GABRB1: variants seen among roughly 807,000 people sequenced by gnomAD.
GABRB1 encodes the protein gamma-aminobutyric acid receptor subunit beta-1.
Under a neutral mutation model 51.6 loss-of-function variants are expected in GABRB1, and 17 were observed. The ratio of observed to expected loss-of-function variants is 0.33; its 90% CI spans 0.23 to 0.49. The LOEUF (loss-of-function observed/expected upper bound fraction) is 0.49. GABRB1 is among the 20% of genes least tolerant of loss of function. The pLI is 0.99. For synonymous variants in GABRB1, 247 were observed against 218.9 expected (o/e 1.13, Z -1.14); for missense variants, 410 against 600.6 (o/e 0.68, Z 3.32).
chr4:47,277,294 T>G (rs192747494), intron 4 of GABRB1, among the ~76,000 whole-genome samples: 9 of 152,150 alleles, frequency 5.9e-5, no homozygotes, highest in Admixed American at 5.9e-4. Flanking sequence ...CTCACTTATT[T>G]GTGGAATCAT....
chr4:47,184,196 C>T (rs1192766717), intron 4 of GABRB1, among the ~76,000 whole-genome samples: 3 of 151,902 alleles, frequency 2.0e-5, no homozygotes, highest in Admixed American at 2.0e-4. Context: ...TTCTTTCTGT[C>T]TATAACTCTG....
In GABRB1 at chr4:47,383,781, T is replaced by G. The variant is rs185942309; in HGVS notation, c.545-19537T>G. On this transcript the variant is annotated intron_variant, in intron 5 of 8. Transcript: ENST00000295454. ...AACAGGTCATTTTTTATAGTTACTT[T>G]AGTAATCAACTAGAGTTGCATATAT... is the stretch of plus-strand genomic sequence containing the variant. 3.3e-5 allele frequency among the ~76,000 whole-genome samples: 5 copies of G among 152,176 alleles called. 1 individual carries two copies. Among genetic ancestry groups the G allele is most frequent in the Non-Finnish European group, 1.5e-5 (1 of 67,994 alleles).
chr4:47,363,354 T>C (rs1726871883), intron 5 of GABRB1, among the ~76,000 whole-genome samples: 1 of 152,122 alleles, frequency 6.6e-6, no homozygotes, highest in East Asian at 1.9e-4. Context: ...CCATGGACCA[T>C]GACTTAAAAT....
Position 47,425,734 on chromosome 4 carries a change from T to G in GABRB1, c.1141T>G (p.Ser381Ala). ...TLEIRNETSG[S>A]EVLTSVSDPK... ...GGAAATCCGGAATGAGACGAGTGGC[T>G]CGGAAGTGCTCACGAGCGTGAGCGA... is the stretch of plus-strand genomic sequence containing the variant. The change falls in exon 9 of 9, where the codon TCG becomes GCG. Residue 381 changes from serine (S) to alanine (A), a missense_variant. Transcript: ENST00000295454. 1 of 1,614,118 alleles carries G rather than the reference T, an allele frequency of 6.2e-7. No individual in the cohort carries two copies. Among genetic ancestry groups the G allele is most frequent in the Non-Finnish European group, 8.5e-7 (1 of 1,179,996 alleles).
At chr4:47,290,079 G>C (rs1685321337) in intron 4 of GABRB1, among the ~76,000 whole-genome samples, 1 of 152,226 alleles carries the variant, frequency 6.6e-6, no homozygotes, top group Non-Finnish European at 1.5e-5. Flanking sequence ...GGATAGGATG[G>C]AAACTTACTG....
At chr4:47,285,108 T>TA (rs1723458924) in intron 4 of GABRB1, among the ~76,000 whole-genome samples, 3 of 152,198 alleles carry the variant, frequency 2.0e-5, no homozygotes, top group Admixed American at 2.0e-4. Context: ...AAAGGAAGCC[T>TA]AGTGATAAAA....
At chr4:47,120,805 C>T (rs1715743080) in intron 3 of GABRB1, among the ~76,000 whole-genome samples, 2 of 152,192 alleles carry the variant, frequency 1.3e-5, no homozygotes, top group Admixed American at 1.3e-4. Context: ...CCTCATGACT[C>T]TGCCCAGTGC....
chr4:47,120,253 T>C (rs1715715927), intron 3 of GABRB1, among the ~76,000 whole-genome samples: 1 of 152,134 alleles, frequency 6.6e-6, no homozygotes, highest in South Asian at 2.1e-4. Flanking sequence ...GCAAATATTA[T>C]TAGAGCTAAA....
intron 4 of GABRB1, among the ~76,000 whole-genome samples, chr4:47,294,025 C>T (rs983833465): frequency 1.3e-5 from 2 of 152,130 alleles, no homozygotes; most frequent in African/African-American, 2.4e-5. Flanking sequence ...AACCCCTCCA[C>T]AGCATAAAAA....
At chr4:47,175,650 A>C (rs1197414334) in intron 4 of GABRB1, among the ~76,000 whole-genome samples, 1 of 152,328 alleles carries the variant, frequency 6.6e-6, no homozygotes, top group East Asian at 1.9e-4. Context: ...TCAACAGCCC[A>C]TGAGTAGGGG....
At chr4:47,148,840 T>C (rs999418832) in intron 3 of GABRB1, among the ~76,000 whole-genome samples, 1 of 151,850 alleles carries the variant, frequency 6.6e-6, no homozygotes. Context: ...CTGGAAAATC[T>C]ACCCACGAAC....
At chr4:47,254,357 C>CTTTTTTT (rs1560299723) in intron 4 of GABRB1, among the ~76,000 whole-genome samples, 2 of 49,662 alleles carry the variant, frequency 4.0e-5, no homozygotes, top group African/African-American at 1.6e-4. Flanking sequence ...TGTTTCTTTT[C>CTTTTTTT]TTTGTTTTTT....
chr4:47,239,019 CTTTAT>C (rs1364125240), intron 4 of GABRB1, among the ~76,000 whole-genome samples: 1 of 151,924 alleles, frequency 6.6e-6, no homozygotes, highest in African/African-American at 2.4e-5. Context: ...CTGGTACAGG[CTTTAT>C]TTTATTTTGT....
chr4:47,184,620 C>A (rs921405768), intron 4 of GABRB1, among the ~76,000 whole-genome samples: 4 of 151,866 alleles, frequency 2.6e-5, no homozygotes, highest in Non-Finnish European at 5.9e-5. Flanking sequence ...GGTTGTACCC[C>A]CATGAGCTGG....
At chr4:47,132,826 A>G (rs1716484959) in intron 3 of GABRB1, among the ~76,000 whole-genome samples, 1 of 152,208 alleles carries the variant, frequency 6.6e-6, no homozygotes, top group South Asian at 2.1e-4. Flanking sequence ...ATCATGAGAC[A>G]TATCTAGAAA....
chr4:47,312,832 A>ATGTGTATATGTGTGCACACG (rs1724752197), intron 4 of GABRB1, among the ~76,000 whole-genome samples: 1 of 152,064 alleles, frequency 6.6e-6, no homozygotes, highest in African/African-American at 2.4e-5. Context: ...TACCCTCTCC[A>ATGTGTATATGTGTGCACACG]TGTGTATATG....
intron 5 of GABRB1, among the ~76,000 whole-genome samples, chr4:47,338,043 A>G (rs1217366746): frequency 2.0e-5 from 3 of 152,126 alleles, no homozygotes; most frequent in African/African-American, 7.2e-5. Context: ...CACATTTGTC[A>G]TCACTGTGAT....
chr4:47,213,855 G>A (rs1720457591), intron 4 of GABRB1, among the ~76,000 whole-genome samples: 1 of 150,916 alleles, frequency 6.6e-6, no homozygotes, highest in Non-Finnish European at 1.5e-5. Context: ...TTTCTGTTCA[G>A]GAAGTACAGC....
chr4:47,130,919 T>A (rs1475784670), intron 3 of GABRB1, among the ~76,000 whole-genome samples: 5 of 152,200 alleles, frequency 3.3e-5, no homozygotes, highest in African/African-American at 1.2e-4. Context: ...GTCCATTAGG[T>A]GAGCTTAAAA....
Sources: allele counts gnomAD v4.1 joint callset (sites outside exome capture counted in the v4.1 genomes callset), GRCh38; gene constraint gnomAD v4.1.1; transcripts MANE v1.5; gene names NCBI Gene and HGNC (gene_info 2026-07-23, HGNC 2026-07-21).